The following PGM3 variants were observed in gnomAD, a reference collection of about 807,000 sequenced individuals.
The protein encoded by PGM3 is phosphoglucomutase 3.
PGM3 carries 40 observed loss-of-function variants against 66.2 expected under a neutral mutation model. That is an observed-to-expected ratio of 0.60 (90% confidence interval 0.47 to 0.79). The LOEUF (loss-of-function observed/expected upper bound fraction) is 0.79. PGM3 is among the 30% of genes least tolerant of loss of function. PGM3 has a pLI of 0.00. For missense variants in PGM3, 537 were observed against 643.4 expected, an observed-to-expected ratio of 0.83 and a Z score of 1.79; for synonymous variants, 191 against 224.2, an observed-to-expected ratio of 0.85 and a Z score of 1.32.
Position 83,188,634 on chromosome 6 carries a change from T to C in PGM3, c.369A>G (p.Val123=). The C allele has an allele frequency of 6.2e-7, 1 of 1,613,364 alleles. No homozygotes were observed. Among genetic ancestry groups the C allele is most frequent in the South Asian group, 1.1e-5 (1 of 91,064 alleles). Residue 123 remains valine, a synonymous_variant, in exon 3 of 13, where the codon GTA becomes GTG. Coordinates refer to ENST00000513973, the MANE Select transcript of PGM3 (RefSeq NM_015599.3). ...EAVNLQQDAF[V]VIGRDTRPSS... ...ATCACCTGGTATCTCTACCAATAAC[T>C]ACAAAGGCATCTTGTTGCAGATTCA...
chr6:83,170,689 C>A (rs574032313), intron 11 of PGM3: 1 of 499,340 alleles, frequency 2.0e-6, no homozygotes, highest in Admixed American at 3.3e-5. Flanking sequence ...AAAAATATTT[C>A]CACAAATGCT....
intron 8 of PGM3, among the ~76,000 whole-genome samples, chr6:83,176,711 A>G (rs1787797891): frequency 6.6e-6 from 1 of 152,208 alleles, no homozygotes; most frequent in Non-Finnish European, 1.5e-5. Flanking sequence ...TAGTAGAAAA[A>G]CTGCAAAAGA....
At chr6:83,151,984 CA>C in the PGM3 span, 1 of 1,613,896 alleles carries the variant, frequency 6.2e-7, no homozygotes, top group Non-Finnish European at 8.5e-7. Context: ...AGCCTTCTCC[CA>C]AAATAATGGT....
rs56225336 is a variant in PGM3, at chr6:83,166,504, G to A, written c.*2730C>T. 1.4e-6 allele frequency: 1 copy of A among 693,528 alleles called. No homozygotes were observed. Among genetic ancestry groups the A allele is most frequent in the South Asian group, 1.6e-5 (1 of 64,478 alleles). The allele number at this position is 693,528 out of a possible 1,614,324, so 43.0% of individuals were successfully genotyped here. A position where few individuals can be genotyped will look rare whatever the true frequency, so the allele number is the denominator to read the frequency against. ...CAGAAAATCGCTAAATTTGATTTTT[G>A]TCTAACATCATTTCCATAGTCTAAA... On this transcript the variant is annotated 3_prime_UTR_variant, in exon 13 of 13. Transcript: ENST00000513973.
chr6:83,151,219 A>G, the PGM3 span, among the ~76,000 whole-genome samples: 1 of 152,190 alleles, frequency 6.6e-6, no homozygotes, highest in African/African-American at 2.4e-5. Context: ...GTGGTTATTC[A>G]CAGCATGATC....
At position 83,175,484 on chromosome 6, in the gene PGM3, C is replaced by T. The variant is rs185154909; in HGVS notation, c.1128+478G>A. Among the ~76,000 whole-genome samples, 339 of 152,222 alleles carry T rather than the reference C, an allele frequency of 2.2e-3. 1 individual carries two copies. The highest frequency in any genetic ancestry group is 7.8e-3 in the African/African-American group (324 of 41,542). On this transcript the variant is annotated intron_variant, in intron 9 of 12. Transcript: ENST00000513973. ...AAAAACATTTTAAAAATATTCTGAA[C>T]ATTATGAATCTACAAAAAACTAAAT... is the stretch of plus-strand genomic sequence containing the variant.
At chr6:83,187,908 G>A (rs890291379) in intron 3 of PGM3, among the ~76,000 whole-genome samples, 1 of 152,182 alleles carries the variant, frequency 6.6e-6, no homozygotes, top group African/African-American at 2.4e-5. Flanking sequence ...ACTTTACTGT[G>A]GTGGGATAAT....
intron 2 of PGM3, chr6:83,190,524 T>C: frequency 2.5e-6 from 1 of 398,512 alleles, no homozygotes; most frequent in Admixed American, 4.2e-5. Context: ...CAATTTTCAA[T>C]TACTGAAAAT....
At chr6:83,156,134 C>G in the PGM3 span, 1 of 1,575,542 alleles carries the variant, frequency 6.3e-7, no homozygotes, top group Non-Finnish European at 8.6e-7. Flanking sequence ...TATTTTTTCT[C>G]TAACTACAGG....
At chr6:83,169,714 A>T (rs1278986718) in intron 12 of PGM3, 3 of 459,334 alleles carry the variant, frequency 6.5e-6, no homozygotes, top group Non-Finnish European at 8.7e-6. Context: ...TCTGCAGGAA[A>T]GCTGCCAAAT....
rs780343629 is a variant in PGM3, at chr6:83,182,905, C to G, written c.531G>C (p.Lys177Asn). The G allele has an allele frequency of 6.2e-7, 1 of 1,614,032 alleles. No homozygotes were observed. The highest frequency in any genetic ancestry group is 8.5e-7 in the Non-Finnish European group (1 of 1,179,932). The change falls in exon 5 of 13, where the codon AAG becomes AAC. Residue 177 changes from lysine (K) to asparagine (N), a missense_variant. Lys to Asn is a moderately conservative substitution (Grantham distance 94). Transcript: ENST00000513973. ...TCTGGTAGTAACCTTCTATAGTTGC[C>G]TTTCCATATCGGCCACCCGTGTTTC... ...YCRNTGGRYG[K>N]ATIEGYYQKL...
At chr6:83,185,889 A>T (rs1788545048) in intron 4 of PGM3, among the ~76,000 whole-genome samples, 1 of 152,216 alleles carries the variant, frequency 6.6e-6, no homozygotes, top group Non-Finnish European at 1.5e-5. Context: ...GCCCTCCCTG[A>T]AAGAGACAGA....
downstream of PGM3, chr6:83,157,133 A>C: frequency 3.2e-6 from 5 of 1,582,512 alleles, no homozygotes; most frequent in Non-Finnish European, 4.3e-6. Context: ...AGAAAGTTTT[A>C]TGTGATAAAG....
chr6:83,164,482 C>A (rs967725770), downstream of PGM3, among the ~76,000 whole-genome samples: 1 of 152,048 alleles, frequency 6.6e-6, no homozygotes, highest in Non-Finnish European at 1.5e-5. Context: ...TAAGACCCCC[C>A]TCCTTTATCT....
chr6:83,187,572 G>C (rs1286628590), intron 3 of PGM3, among the ~76,000 whole-genome samples: 1 of 152,178 alleles, frequency 6.6e-6, no homozygotes, highest in Non-Finnish European at 1.5e-5. Context: ...CCAGCACTTT[G>C]GGAGGCCGAG....
chr6:83,181,110 G>A (rs1211682895), intron 6 of PGM3, among the ~76,000 whole-genome samples: 3 of 152,166 alleles, frequency 2.0e-5, no homozygotes, highest in Non-Finnish European at 2.9e-5. Flanking sequence ...GGTCTATAAT[G>A]CAGATAAATC....
rs1785448028 is a variant in PGM3 at position 83,166,072 on chromosome 6, A to G, written c.*3162T>C. 1 of 320,916 alleles carries G rather than the reference A, an allele frequency of 3.1e-6. No individual in the cohort carries two copies. Among genetic ancestry groups the G allele is most frequent in the African/African-American group, 2.1e-5 (1 of 47,502 alleles). 19.9% of individuals were successfully genotyped at this position (320,916 alleles called of 1,614,324 possible). A position where few individuals can be genotyped will look rare whatever the true frequency, so the allele number is the denominator to read the frequency against. ...GTATAAAATCCACCTTTTGGCACAC[A>G]TCACAATCCGATAGAGAAATGATTC... On this transcript the variant is annotated 3_prime_UTR_variant, in exon 13 of 13. Transcript: ENST00000513973.
At chr6:83,160,412 T>C (rs1783959027), downstream of PGM3, among the ~76,000 whole-genome samples, 1 of 152,188 alleles carries the variant, frequency 6.6e-6, no homozygotes, top group Non-Finnish European at 1.5e-5. Context: ...GTGGAGAGAT[T>C]GGTATTGCTG....
rs542948 is a variant in PGM3 at position 83,172,021 on chromosome 6, T to C, written c.1281A>G (p.Glu427=). The C allele has an allele frequency of 0.27, 442,184 of 1,612,468 alleles. 65,038 individuals are homozygous for C. Among genetic ancestry groups the C allele is most frequent in the African/African-American group, 0.57 (42,665 of 74,886 alleles). The change falls in exon 11 of 13, where the codon GAA becomes GAG. Residue 427 remains glutamate (E), a synonymous_variant. Coordinates refer to ENST00000513973, the MANE Select transcript of PGM3 (RefSeq NM_015599.3). ...TCAAGCCCTTCAGAGCCAAGATTGC[T>C]TCAATCACCAGCATGTCAGAAATAG... ...GDAISDMLVI[E]AILALKGLTV... is the part of the protein sequence containing the mutation.
Sources: allele counts gnomAD v4.1 joint callset (sites outside exome capture counted in the v4.1 genomes callset), GRCh38; gene constraint gnomAD v4.1.1; transcripts MANE v1.5; gene names NCBI Gene and HGNC (gene_info 2026-07-23, HGNC 2026-07-21).